CFAP43: variants seen among roughly 807,000 people sequenced by gnomAD.
CFAP43 encodes cilia- and flagella-associated protein 43.
CFAP43 carries 155 observed loss-of-function variants against 218.9 expected under a neutral mutation model. The ratio of observed to expected loss-of-function variants is 0.71; its 90% confidence interval spans 0.62 to 0.81. The LOEUF (loss-of-function observed/expected upper bound fraction) is 0.81. Ranked by LOEUF, CFAP43 falls within the 30% of genes least tolerant of loss-of-function variation. The pLI, the probability that CFAP43 is intolerant of heterozygous loss-of-function variation, is 0.00. For synonymous variants in CFAP43, 645 were observed against 681.3 expected (o/e 0.95, Z 0.83); for missense variants, 1,778 against 1,954.3 (o/e 0.91, Z 1.70).
At chr10:104,150,607 C>G (rs1320399660) in intron 28 of CFAP43, among the ~76,000 whole-genome samples, 1 of 152,214 alleles carries the variant, frequency 6.6e-6, no homozygotes, top group Non-Finnish European at 1.5e-5. Context: ...CCCTTCACAT[C>G]TCTCCAGTGT....
At chr10:104,159,814 TAG>T (rs781297307) in intron 27 of CFAP43, among the ~76,000 whole-genome samples, 9 of 152,104 alleles carry the variant, frequency 5.9e-5, no homozygotes, top group Non-Finnish European at 1.2e-4. Context: ...TGGACAGCAA[TAG>T]CCTATTTGGA....
At chr10:104,224,754 CAAAAAAA>C (rs66877503) in intron 3 of CFAP43, among the ~76,000 whole-genome samples, 1 of 70,178 alleles carries the variant, frequency 1.4e-5, no homozygotes, top group Non-Finnish European at 2.8e-5. Flanking sequence ...GACTCCATCT[CAAAAAAA>C]AAAAAAAAAA....
chr10:104,147,879 C>T lies in CFAP43; in HGVS notation c.3768+12G>A, dbSNP rs1280898567. ...AAAATGCTTGTATTCAGATTTCAGACACTATTCTTACTTTCTCGTGCTGTT... is the reference window on the plus strand; with the variant it reads ...AAAATGCTTGTATTCAGATTTCAGATACTATTCTTACTTTCTCGTGCTGTT... On this transcript the variant is annotated intron_variant, in intron 29 of 37. Coordinates refer to ENST00000357060, the MANE Select transcript of CFAP43 (RefSeq NM_025145.7). 20 of 1,559,948 alleles carry T rather than the reference C, an allele frequency of 1.3e-5. No individual in the cohort carries two copies. The highest frequency in any genetic ancestry group is 1.7e-5 in the Non-Finnish European group (20 of 1,149,350).
At chr10:104,227,692 TTTTAA>T (rs1156939180) in intron 2 of CFAP43, among the ~76,000 whole-genome samples, 1 of 152,162 alleles carries the variant, frequency 6.6e-6, no homozygotes, top group Non-Finnish European at 1.5e-5. Flanking sequence ...ATTATTTCCC[TTTTAA>T]TTTTTCATGG....
rs2090425564 is a variant in CFAP43, at chr10:104,197,994, A to T, written c.1140T>A (p.Asn380Lys). Reference sequence around the variant, plus strand: ...TCCCATCACAAGCATCTAGGACTTTATTTAAGGTTGGCTCCTTACCAAAAG... The same window carrying T: ...TCCCATCACAAGCATCTAGGACTTTTTTTAAGGTTGGCTCCTTACCAAAAG... Reference protein sequence around the residue: ...IYTFGKEPTLNKVLDACDGKF... With the variant: ...IYTFGKEPTLKKVLDACDGKF... Residue 380 changes from asparagine (N) to lysine (K), a missense_variant, in exon 9 of 38, where the codon AAT (asparagine) becomes AAA (lysine). Transcript: ENST00000357060. 1.2e-6 allele frequency: 2 copies of T among 1,613,772 alleles called. No individual in the cohort carries two copies. Among genetic ancestry groups the T allele is most frequent in the Non-Finnish European group, 1.7e-6 (2 of 1,179,806 alleles).
chr10:104,174,464 G>C (rs943542512), intron 19 of CFAP43, among the ~76,000 whole-genome samples: 1 of 152,038 alleles, frequency 6.6e-6, no homozygotes, highest in Non-Finnish European at 1.5e-5. Context: ...AGAAAGACCC[G>C]CCCCCATGAT....
chr10:104,140,330 G>A (rs1350023236), intron 34 of CFAP43, among the ~76,000 whole-genome samples: 1 of 152,144 alleles, frequency 6.6e-6, no homozygotes, highest in Admixed American at 6.6e-5. Flanking sequence ...ATTATGGAGG[G>A]AGCTTTTAAA....
At chr10:104,141,237 T>G (rs1439848889) in intron 33 of CFAP43, among the ~76,000 whole-genome samples, 1 of 152,216 alleles carries the variant, frequency 6.6e-6, no homozygotes, top group Non-Finnish European at 1.5e-5. Flanking sequence ...TATAGATTTT[T>G]ACTTTAGGAT....
Position 104,152,702 on chromosome 10 carries a change from GT to G in CFAP43, c.3564del (p.Lys1188AsnfsTer17), listed in dbSNP as rs1395212688. The G allele has an allele frequency of 6.2e-7, 1 of 1,612,070 alleles. No homozygotes were observed. The highest frequency in any genetic ancestry group is 8.5e-7 in the Non-Finnish European group (1 of 1,179,564). ...YRKSLEAELK[K>X]LQNSIQESTQ... ...GTGCTTTCTTGAATAGAGTTTTGAAGTTTCTTCAGTTCTGCTTCTAATGACT... is the reference window on the plus strand; with the variant it reads ...GTGCTTTCTTGAATAGAGTTTTGAAGTTCTTCAGTTCTGCTTCTAATGACT... On this transcript the variant is annotated frameshift_variant, in exon 28 of 38. Coordinates refer to ENST00000357060, the MANE Select transcript of CFAP43 (RefSeq NM_025145.7). LOFTEE classifies it high-confidence loss of function.
At chr10:104,221,983 C>T (rs2091194118) in intron 3 of CFAP43, among the ~76,000 whole-genome samples, 1 of 152,150 alleles carries the variant, frequency 6.6e-6, no homozygotes, top group Non-Finnish European at 1.5e-5. Flanking sequence ...GGGACTATAA[C>T]CATGAGACCA....
chr10:104,207,167 TGTC>T (rs1217684934), intron 6 of CFAP43, among the ~76,000 whole-genome samples: 1 of 141,860 alleles, frequency 7.0e-6, no homozygotes, highest in Non-Finnish European at 1.6e-5. Flanking sequence ...AATGAGACTC[TGTC>T]TAAAAAAAAA....
chr10:104,201,669 A>C (rs674850), intron 8 of CFAP43, among the ~76,000 whole-genome samples: 71,152 of 150,476 alleles, frequency 0.47, 17,713 homozygotes, highest in African/African-American at 0.65. Context: ...TATTTTTAAA[A>C]CTACTTTCAC....
At chr10:104,203,291 T>G (rs1282726593) in intron 8 of CFAP43, 1 of 195,484 alleles carries the variant, frequency 5.1e-6, no homozygotes, top group Non-Finnish European at 1.0e-5. Context: ...GCTGGTATCT[T>G]TCCACCAGGG....
chr10:104,141,113 G>T, intron 33 of CFAP43, 112 bp from the exon 34 acceptor site: 1 of 1,118,698 alleles, frequency 8.9e-7, no homozygotes, highest in South Asian at 1.5e-5. Context: ...GGAGATTAGT[G>T]TGGAGAATAT....
In CFAP43 at chr10:104,227,824, C is replaced by G. The variant is rs1324068135; in HGVS notation, c.320-2267G>C. ...TCCTGGAATCACTCCTCTATTCTACCATGTTTTCTACTTTTTTTTTTTTTT... is the reference window on the plus strand; with the variant it reads ...TCCTGGAATCACTCCTCTATTCTACGATGTTTTCTACTTTTTTTTTTTTTT... On this transcript the variant is annotated intron_variant, in intron 2 of 37. Transcript: ENST00000357060. Among the ~76,000 whole-genome samples, 4 of 143,442 alleles carry G rather than the reference C, an allele frequency of 2.8e-5. No homozygotes were observed. The East Asian group carries it at 8.0e-4, about 29-fold the overall frequency. The allele number at this position is 143,442 out of a possible 152,430, so 94.1% of individuals were successfully genotyped here. A position where few individuals can be genotyped will look rare whatever the true frequency, so the allele number is the denominator to read the frequency against.
At chr10:104,199,015 T>C (rs1250122812) in intron 8 of CFAP43, among the ~76,000 whole-genome samples, 1 of 152,220 alleles carries the variant, frequency 6.6e-6, no homozygotes, top group Non-Finnish European at 1.5e-5. Flanking sequence ...TCAAAAATAA[T>C]ATCTATTTAT....
rs138423878 is a variant in CFAP43, at chr10:104,146,287, A to C, written c.3831T>G (p.Tyr1277Ter). 3.2e-5 allele frequency: 51 copies of C among 1,613,686 alleles called. No homozygotes were observed. Among genetic ancestry groups the C allele is most frequent in the Non-Finnish European group, 4.1e-5 (48 of 1,179,732 alleles). Residue 1277 changes from tyrosine (Y) to a stop codon, truncating the protein, a stop_gained, in exon 30 of 38, where the codon TAT becomes TAG. Transcript: ENST00000357060. LOFTEE classifies it high-confidence loss of function. ...REDLDVCKEH[Y>*]DNLLAEDKVM... ...CTTTGTCTTCTGCCAGTAAGTTGTC[A>C]TAGTGCTCCTTGCACACATCCAGGT...
At chr10:104,188,676 C>A (rs535785101) in intron 12 of CFAP43, among the ~76,000 whole-genome samples, 14 of 152,164 alleles carry the variant, frequency 9.2e-5, no homozygotes, top group African/African-American at 3.1e-4. Flanking sequence ...CCAGGGTGGC[C>A]CCAGAGTGCA....
chr10:104,142,231 G>C, intron 33 of CFAP43, 50 bp downstream of exon 33: 2 of 1,486,366 alleles, frequency 1.3e-6, no homozygotes, highest in African/African-American at 2.8e-5. Context: ...ACCTGATTTA[G>C]CCCTAATTAG....
Sources: gnomAD v4.1 joint callset for allele counts (sites outside exome capture counted in the v4.1 genomes callset) on GRCh38, gnomAD v4.1.1 for gene constraint, MANE v1.5 for transcripts, NCBI Gene and HGNC (gene_info 2026-07-23, HGNC 2026-07-21) for gene names.